Variants in LRP1B observed in about 807,000 individuals in gnomAD.
LRP1B encodes the protein low-density lipoprotein receptor-related protein 1B.
Under a neutral mutation model 556.6 loss-of-function variants are expected in LRP1B, and 217 were observed. That is an observed-to-expected ratio of 0.39 (90% CI 0.35 to 0.44). The LOEUF is 0.44. Among genes scored for constraint, LRP1B ranks in the 20% least tolerant of loss-of-function variants. The pLI is 1.00. For synonymous variants in LRP1B, 2,047 were observed against 1,865.8 expected (o/e 1.10, Z -2.50); for missense variants, 5,053 against 5,620.8 (o/e 0.90, Z 3.23).
intron 84 of LRP1B, among the ~76,000 whole-genome samples, chr2:140,290,150 G>C (rs1440708465): frequency 6.6e-6 from 1 of 152,116 alleles, no homozygotes; most frequent in East Asian, 1.9e-4. Flanking sequence ...AGATATTCAT[G>C]AATGATATGA....
chr2:140,716,220 C>T (rs963442143), intron 36 of LRP1B, 118 bp from the exon 37 acceptor site: 54 of 671,892 alleles, frequency 8.0e-5, no homozygotes, highest in Non-Finnish European at 1.2e-4. Context: ...TTACTTCCTA[C>T]ATTCTTTTTA....
At chr2:140,567,728 C>T (rs937909780) in intron 43 of LRP1B, among the ~76,000 whole-genome samples, 2 of 152,106 alleles carry the variant, frequency 1.3e-5, no homozygotes, top group African/African-American at 4.8e-5. Context: ...TATGTCAGAC[C>T]CAAAACAAAG....
intron 47 of LRP1B, among the ~76,000 whole-genome samples, chr2:140,530,385 C>T (rs937936451): frequency 6.6e-6 from 1 of 151,998 alleles, no homozygotes; most frequent in African/African-American, 2.4e-5. Flanking sequence ...ATTATCTATG[C>T]CTTTTCCTTT....
chr2:140,594,732 C>T (rs915475749), intron 43 of LRP1B, among the ~76,000 whole-genome samples: 3 of 152,116 alleles, frequency 2.0e-5, no homozygotes, highest in African/African-American at 7.2e-5. Context: ...CTTCTGCTAT[C>T]ACTTGCTTTA....
At chr2:140,238,003 T>C (rs573340157) in intron 89 of LRP1B, 149 bp downstream of exon 89, 54 of 510,460 alleles carry the variant, frequency 1.1e-4, no homozygotes, top group Non-Finnish European at 1.6e-4. Context: ...GTACTTTCTC[T>C]TTAGAAGAGG....
intron 2 of LRP1B, among the ~76,000 whole-genome samples, chr2:141,746,476 C>A (rs1055677172): frequency 2.0e-5 from 3 of 152,046 alleles, no homozygotes; most frequent in African/African-American, 7.2e-5. Flanking sequence ...CTGTCCCTCT[C>A]CCTAGCACAC....
At chr2:141,861,766 C>G (rs1445910729) in intron 1 of LRP1B, among the ~76,000 whole-genome samples, 1 of 151,998 alleles carries the variant, frequency 6.6e-6, no homozygotes, top group Non-Finnish European at 1.5e-5. Flanking sequence ...TCCATCTCTA[C>G]TAAAAATACA....
At chr2:141,987,233 A>C (rs998041106) in intron 1 of LRP1B, among the ~76,000 whole-genome samples, 2 of 152,018 alleles carry the variant, frequency 1.3e-5, no homozygotes, top group African/African-American at 4.8e-5. Flanking sequence ...CGGATCAAGT[A>C]AACAAAGAAT....
intron 1 of LRP1B, among the ~76,000 whole-genome samples, chr2:141,893,329 T>C (rs1836680): frequency 0.025 from 3,819 of 152,154 alleles, 63 homozygotes; most frequent in Non-Finnish European, 0.04. Flanking sequence ...ACCTCCCAAG[T>C]AGTTGGGATT....
intron 23 of LRP1B, among the ~76,000 whole-genome samples, chr2:140,889,275 C>T (rs1693730601): frequency 6.6e-6 from 1 of 152,102 alleles, no homozygotes; most frequent in African/African-American, 2.4e-5. Context: ...ACATGGAGTG[C>T]TTCCTATATA....
At chr2:141,799,539 C>T (rs1223450008) in intron 2 of LRP1B, among the ~76,000 whole-genome samples, 1 of 152,024 alleles carries the variant, frequency 6.6e-6, no homozygotes, top group East Asian at 1.9e-4. Flanking sequence ...TGAATTCAGC[C>T]AAGACCCTAA....
At chr2:140,242,546 A>AT (rs918826973) in intron 87 of LRP1B, among the ~76,000 whole-genome samples, 8 of 151,224 alleles carry the variant, frequency 5.3e-5, no homozygotes, top group Non-Finnish European at 7.4e-5. Context: ...CTTCTCTTAT[A>AT]TTGCTTGATG....
chr2:140,882,467 C>A (rs1693504459), intron 25 of LRP1B, among the ~76,000 whole-genome samples: 1 of 152,146 alleles, frequency 6.6e-6, no homozygotes, highest in Non-Finnish European at 1.5e-5. Flanking sequence ...CTAGTTGTTA[C>A]CAAATCTCCC....
chr2:140,625,755 A>G (rs1328824504), intron 41 of LRP1B, among the ~76,000 whole-genome samples: 1 of 152,090 alleles, frequency 6.6e-6, no homozygotes, highest in Non-Finnish European at 1.5e-5. Context: ...AGCAACAAGA[A>G]CTCTCCTTCA....
At chr2:141,463,582 T>TATATATTATATATTATATATATTA (rs1405204222) in intron 3 of LRP1B, among the ~76,000 whole-genome samples, 7 of 78,344 alleles carry the variant, frequency 8.9e-5, no homozygotes, top group South Asian at 6.9e-4. Flanking sequence ...TTATATATAA[T>TATATATTATATATTATATATATTA]TATATATAAT....
intron 3 of LRP1B, among the ~76,000 whole-genome samples, chr2:141,454,064 GC>G (rs1288429625): frequency 6.6e-6 from 1 of 151,848 alleles, no homozygotes; most frequent in Non-Finnish European, 1.5e-5. Flanking sequence ...TGCCAACCTT[GC>G]CCCCAAATAT....
chr2:142,080,503 G>A (rs978652532), intron 1 of LRP1B, among the ~76,000 whole-genome samples: 2 of 151,730 alleles, frequency 1.3e-5, no homozygotes, highest in African/African-American at 4.8e-5. Flanking sequence ...AGAAATGGAA[G>A]TAGCACAAGG....
chr2:141,405,715 C>A (rs928153608), intron 3 of LRP1B, among the ~76,000 whole-genome samples: 1 of 151,872 alleles, frequency 6.6e-6, no homozygotes, highest in African/African-American at 2.4e-5. Flanking sequence ...ATATAAGAAG[C>A]CTAAAAGTAT....
At chr2:140,702,050 C>T (rs1373839121) in intron 39 of LRP1B, 91 bp downstream of exon 39, 2 of 1,468,564 alleles carry the variant, frequency 1.4e-6, no homozygotes, top group Non-Finnish European at 1.9e-6. Flanking sequence ...TTTTTGTGAC[C>T]TTGCTAAGAA....
Sources: allele counts gnomAD v4.1 joint callset (sites outside exome capture counted in the v4.1 genomes callset), GRCh38; gene constraint gnomAD v4.1.1; transcripts MANE v1.5; gene names NCBI Gene and HGNC (gene_info 2026-07-23, HGNC 2026-07-21).